Variants in MET observed in about 807,000 individuals in gnomAD.
MET encodes the protein MET proto-oncogene, receptor tyrosine kinase.
MET carries 48 observed loss-of-function variants against 133.1 expected under a neutral mutation model. The observed-to-expected ratio is 0.36, with a 90% CI of 0.29 to 0.46. The LOEUF (loss-of-function observed/expected upper bound fraction) is 0.46, where lower values mean the gene tolerates loss of function less well. Among genes scored for constraint, MET ranks in the 20% least tolerant of loss-of-function variants. The probability of loss-of-function intolerance (pLI) is 1.00; values close to 1 mark genes in which losing one functional copy is unlikely to be tolerated. For synonymous variants in MET, 628 were observed against 616.5 expected, an observed-to-expected ratio of 1.02 and a Z score of -0.28; for missense variants, 1,442 against 1,695.9, an observed-to-expected ratio of 0.85 and a Z score of 2.63.
chr7:116,677,122 G>A (rs940930842), intron 1 of MET, among the ~76,000 whole-genome samples: 2 of 151,840 alleles, frequency 1.3e-5, no homozygotes, highest in Non-Finnish European at 2.9e-5. Context: ...CACACTGTGA[G>A]CCTGTCACAG....
chr7:116,720,281 CTGTT>C (rs1202112298), intron 2 of MET, among the ~76,000 whole-genome samples: 13 of 138,324 alleles, frequency 9.4e-5, no homozygotes, highest in African/African-American at 3.3e-4. Flanking sequence ...ATTTGGCTCT[CTGTT>C]TGTCTGTTAT....
rs1554398390 is a variant in MET at position 116,771,907 on chromosome 7, G to C, written c.2946G>C (p.Arg982Ser). Residue 982 changes from arginine (R) to serine (S), a missense_variant, in exon 14 of 21, where the codon AGG (arginine) becomes AGC (serine). Coordinates refer to ENST00000397752, the MANE Select transcript of MET (RefSeq NM_000245.4). ...DARVHTPHLD[R>S]LVSARSVSPT... The stretch of plus-strand genomic sequence containing the variant: ...GAGTACACACTCCTCATTTGGATAG[G>C]CTTGTAAGTGCCCGAAGTGTAAGCC... 6.2e-7 allele frequency: 1 copy of C among 1,613,882 alleles called. No individual in the cohort carries two copies.
intron 1 of MET, among the ~76,000 whole-genome samples, chr7:116,686,489 C>T (rs1351678757): frequency 6.6e-6 from 1 of 152,160 alleles, no homozygotes; most frequent in Admixed American, 6.5e-5. Context: ...TGAAACACTA[C>T]ATCATCAGCT....
At chr7:116,720,079 G>A (rs1175407954) in intron 2 of MET, among the ~76,000 whole-genome samples, 3 of 152,160 alleles carry the variant, frequency 2.0e-5, no homozygotes, top group Non-Finnish European at 2.9e-5. Context: ...ATTACCTTGG[G>A]CAGTATGGCC....
intron 2 of MET, among the ~76,000 whole-genome samples, chr7:116,730,966 A>C (rs575079293): frequency 3.3e-5 from 5 of 152,344 alleles, no homozygotes; most frequent in Admixed American, 2.6e-4. Flanking sequence ...TATAACACTC[A>C]TGCTGGGTTC....
At chr7:116,731,591 A>T in intron 2 of MET, 77 bp from the exon 3 acceptor site, 2 of 1,473,570 alleles carry the variant, frequency 1.4e-6, no homozygotes, top group Non-Finnish European at 1.9e-6. Context: ...AGGCTCTGAA[A>T]ATACACACTG....
chr7:116,792,452 G>T (rs1386853491), intron 19 of MET, among the ~76,000 whole-genome samples: 1 of 33,802 alleles, frequency 3.0e-5, no homozygotes, highest in Non-Finnish European at 5.1e-5. Context: ...CCCCTCAACC[G>T]ACAGACACAC....
chr7:116,769,489 C>T (rs1295642266), intron 11 of MET, among the ~76,000 whole-genome samples, 156 bp from the exon 12 acceptor site: 5 of 152,182 alleles, frequency 3.3e-5, no homozygotes, highest in Non-Finnish European at 7.4e-5. Flanking sequence ...TCCCCTTTAG[C>T]CATCCCAATT....
At chr7:116,753,757 T>C (rs1316770425) in intron 5 of MET, among the ~76,000 whole-genome samples, 4 of 152,186 alleles carry the variant, frequency 2.6e-5, no homozygotes, top group Admixed American at 6.5e-5. Context: ...TACATAATTT[T>C]TAAAAGGCTG....
At chr7:116,679,118 CCT>C (rs1451202062) in intron 1 of MET, among the ~76,000 whole-genome samples, 32 of 152,144 alleles carry the variant, frequency 2.1e-4, no homozygotes, top group African/African-American at 7.7e-4. Context: ...TGACACATTT[CCT>C]CTCTGTTTTG....
chr7:116,757,891 G>A, intron 8 of MET, 117 bp downstream of exon 8: 1 of 1,183,188 alleles, frequency 8.5e-7, no homozygotes, highest in South Asian at 1.3e-5. Context: ...ATGTTTATTT[G>A]TTTACTCTCC....
At chr7:116,697,149 C>T (rs1361270771) in intron 1 of MET, among the ~76,000 whole-genome samples, 2 of 152,332 alleles carry the variant, frequency 1.3e-5, no homozygotes, top group African/African-American at 4.8e-5. Context: ...TGCAGTCTAC[C>T]CTAGTTTTAT....
rs540354779 is a variant in MET at position 116,699,984 on chromosome 7, C to G, written c.900C>G (p.Leu300=). 20 of 1,613,806 alleles carry G rather than the reference C, an allele frequency of 1.2e-5. No individual in the cohort carries two copies. Among genetic ancestry groups the G allele is most frequent in the Non-Finnish European group, 1.7e-5 (20 of 1,179,960 alleles). The change falls in exon 2 of 21, where the codon CTC becomes CTG. Residue 300 remains leucine, a synonymous_variant. Coordinates refer to ENST00000397752, the MANE Select transcript of MET (RefSeq NM_000245.4). The stretch of plus-strand genomic sequence containing the variant: ...TGGAAATGCCTCTGGAGTGTATTCT[C>G]ACAGAAAAGAGAAAAAAGAGATCCA... ...SYMEMPLECI[L]TEKRKKRSTK...
At chr7:116,769,972 C>A in intron 12 of MET, 181 bp downstream of exon 12, 1 of 860,310 alleles carries the variant, frequency 1.2e-6, no homozygotes, top group Non-Finnish European at 1.9e-6. Context: ...TCTCCTTCCC[C>A]AAGCCTGGGA....
chr7:116,777,245 G>T (rs1297134988), intron 15 of MET, 144 bp from the exon 16 acceptor site: 1 of 706,784 alleles, frequency 1.4e-6, no homozygotes, highest in Admixed American at 2.2e-5. Flanking sequence ...ACCTATAGTG[G>T]TATTGTTAAA....
At chr7:116,757,827 C>T (rs747649577) in intron 8 of MET, 53 bp downstream of exon 8, 2 of 1,571,698 alleles carry the variant, frequency 1.3e-6, no homozygotes, top group Admixed American at 3.3e-5. Flanking sequence ...AATATCTGTA[C>T]CTTAAAAATT....
rs2116992379 is a variant in MET at position 116,771,582 on chromosome 7, G to A, written c.2815G>A (p.Val939Ile). The A allele has an allele frequency of 6.2e-7, 1 of 1,613,864 alleles. No individual in the cohort carries two copies. The highest frequency in any genetic ancestry group is 1.7e-5 in the Admixed American group (1 of 60,028). The change falls in exon 13 of 21, where the codon GTC (valine) becomes ATC (isoleucine). Residue 939 changes from valine (V) to isoleucine (I), a missense_variant. Coordinates refer to ENST00000397752, the MANE Select transcript of MET (RefSeq NM_000245.4). Reference sequence around the variant, plus strand: ...TTTCACAGGATTGATTGCTGGTGTTGTCTCAATATCAACAGCACTGTTATT... The same window carrying A: ...TTTCACAGGATTGATTGCTGGTGTTATCTCAATATCAACAGCACTGTTATT... ...QNFTGLIAGV[V>I]SISTALLLLL...
intron 1 of MET, among the ~76,000 whole-genome samples, chr7:116,690,315 A>G (rs1796734871): frequency 6.6e-6 from 1 of 152,178 alleles, no homozygotes; most frequent in Non-Finnish European, 1.5e-5. Flanking sequence ...GAATATAAGA[A>G]ACTGACACTC....
At chr7:116,772,367 A>T (rs1436117328) in intron 14 of MET, among the ~76,000 whole-genome samples, 1 of 152,210 alleles carries the variant, frequency 6.6e-6, no homozygotes, top group Non-Finnish European at 1.5e-5. Context: ...TACCTGTTGA[A>T]GCCCAAACAT....
Sources: allele counts gnomAD v4.1 joint callset (sites outside exome capture counted in the v4.1 genomes callset), GRCh38; gene constraint gnomAD v4.1.1; transcripts MANE v1.5; gene names NCBI Gene and HGNC (gene_info 2026-07-23, HGNC 2026-07-21).